CLIC5: variants seen among roughly 807,000 people sequenced by gnomAD.
CLIC5 encodes CLIC family member 5.
In CLIC5, 20 loss-of-function variants were observed where a neutral mutation model predicts 24.7. The ratio of observed to expected loss-of-function variants is 0.81; its 90% CI spans 0.57 to 1.18. CLIC5 has a LOEUF of 1.18. Ranked by LOEUF, CLIC5 falls within the 50% of genes most tolerant of loss-of-function variation. The probability of loss-of-function intolerance (pLI) is 0.00; values close to 1 mark genes in which losing one functional copy is unlikely to be tolerated. For synonymous variants in CLIC5, 159 were observed against 135.6 expected (o/e 1.17, Z -1.20); for missense variants, 341 against 326.1 (o/e 1.05, Z -0.35).
chr6:45,984,120 G>A (rs1423811563), intron 1 of CLIC5, among the ~76,000 whole-genome samples: 1 of 152,128 alleles, frequency 6.6e-6, no homozygotes, highest in African/African-American at 2.4e-5. Context: ...ACATAGTAAA[G>A]GAAAGAGAAA....
Position 45,955,251 on chromosome 6 carries a change from A to G in CLIC5, c.64-7T>C. The G allele has an allele frequency of 6.2e-7, 1 of 1,610,602 alleles. No homozygotes were observed. Among genetic ancestry groups the G allele is most frequent in the Middle Eastern group, 1.7e-4 (1 of 6,036 alleles). On this transcript the variant is annotated splice_polypyrimidine_tract_variant and splice_region_variant and intron_variant, in intron 1 of 5. Coordinates refer to ENST00000339561, the MANE Select transcript of CLIC5 (RefSeq NM_016929.5). ...TTTCTCCATCGATTCCAGCCTGGAA[A>G]GAAGAGAACCAGTGTCCTGAGTGGG...
chr6:45,949,617 G>A (rs1489258561), intron 2 of CLIC5, among the ~76,000 whole-genome samples: 1 of 152,132 alleles, frequency 6.6e-6, no homozygotes, highest in South Asian at 2.1e-4. Context: ...TCAAGATGAA[G>A]GAGTTGAAAA....
intron 4 of CLIC5, among the ~76,000 whole-genome samples, chr6:45,934,002 A>C (rs78602460): frequency 0.021 from 3,187 of 152,306 alleles, 125 homozygotes; most frequent in African/African-American, 0.073. Context: ...GGAGAGCCAA[A>C]GAAAATGGAA....
chr6:46,077,537 G>T (rs1762805576), intron 1 of CLIC5, among the ~76,000 whole-genome samples: 1 of 151,924 alleles, frequency 6.6e-6, no homozygotes, highest in Non-Finnish European at 1.5e-5. Flanking sequence ...AGCAGAGAAG[G>T]CCCTGTTTTA....
intron 2 of CLIC5, among the ~76,000 whole-genome samples, chr6:45,953,571 G>A (rs1198274985): frequency 6.6e-6 from 1 of 152,176 alleles, no homozygotes; most frequent in Non-Finnish European, 1.5e-5. Context: ...GAGTAGACAG[G>A]TCACGGTGAG....
At chr6:45,920,632 G>A (rs1456646136) in intron 4 of CLIC5, 1 of 942,644 alleles carries the variant, frequency 1.1e-6, no homozygotes, top group East Asian at 1.2e-4. Flanking sequence ...ATAATAATAA[G>A]AAGAATATCA....
intron 4 of CLIC5, among the ~76,000 whole-genome samples, chr6:45,935,671 G>A (rs758238720): frequency 4.6e-5 from 7 of 152,126 alleles, no homozygotes; most frequent in African/African-American, 7.2e-5. Flanking sequence ...GCAGGACCAC[G>A]AGCACTCTTC....
At chr6:46,108,401 T>TGTGTGTGTGTGTGTGTGTGA in the CLIC5 span, among the ~76,000 whole-genome samples, 1 of 141,672 alleles carries the variant, frequency 7.1e-6, no homozygotes, top group African/African-American at 2.6e-5. Context: ...TGTGTGTGTG[T>TGTGTGTGTGTGTGTGTGTGA]GAGAGAGAGA....
the CLIC5 span, among the ~76,000 whole-genome samples, chr6:46,094,196 G>A: frequency 3.3e-5 from 5 of 152,166 alleles, no homozygotes; most frequent in Admixed American, 6.5e-5. Flanking sequence ...CAACATTGGG[G>A]ATTACAATTA....
intron 2 of CLIC5, 137 bp downstream of exon 2, chr6:45,954,998 G>T: frequency 1.7e-6 from 1 of 584,178 alleles, no homozygotes; most frequent in Non-Finnish European, 3.0e-6. Context: ...GCTAAGACTG[G>T]ATCCTGAGAC....
chr6:46,049,305 T>C (rs1562024187), intron 1 of CLIC5, among the ~76,000 whole-genome samples: 1 of 152,174 alleles, frequency 6.6e-6, no homozygotes, highest in Admixed American at 6.5e-5. Flanking sequence ...TCCCAGGAAC[T>C]TGTGAAAACA....
At chr6:46,024,862 G>C (rs1350917189) in intron 1 of CLIC5, among the ~76,000 whole-genome samples, 1 of 152,064 alleles carries the variant, frequency 6.6e-6, no homozygotes, top group Non-Finnish European at 1.5e-5. Context: ...TGAATAAAAA[G>C]TATTAAAGTT....
intron 1 of CLIC5, among the ~76,000 whole-genome samples, chr6:46,072,598 G>A (rs1468374444): frequency 1.3e-5 from 2 of 152,044 alleles, no homozygotes; most frequent in African/African-American, 4.8e-5. Flanking sequence ...CCCTAATTTG[G>A]GGATATGTAT....
intron 1 of CLIC5, among the ~76,000 whole-genome samples, chr6:45,976,642 G>C (rs910974016): frequency 6.6e-6 from 1 of 152,194 alleles, no homozygotes. Context: ...ATTCAAAGCA[G>C]TTAAAAATGT....
chr6:45,904,501 AT>A (rs1762595484), intron 5 of CLIC5, among the ~76,000 whole-genome samples: 1 of 151,270 alleles, frequency 6.6e-6, no homozygotes, highest in Non-Finnish European at 1.5e-5. Flanking sequence ...ATTCTTAATA[AT>A]TTTTAAACAG....
At chr6:45,975,961 G>A (rs2127408803) in intron 1 of CLIC5, among the ~76,000 whole-genome samples, 1 of 152,198 alleles carries the variant, frequency 6.6e-6, no homozygotes, top group Admixed American at 6.5e-5. Flanking sequence ...GATCAGTGAT[G>A]GAAAAAAAAC....
chr6:45,944,635 C>T (rs966590584), intron 3 of CLIC5, among the ~76,000 whole-genome samples: 2 of 151,738 alleles, frequency 1.3e-5, no homozygotes, highest in African/African-American at 2.4e-5. Context: ...GGTAAGTGCC[C>T]TATCTGGTTT....
chr6:46,040,691 G>T (rs1767783423), intron 1 of CLIC5, among the ~76,000 whole-genome samples: 1 of 152,094 alleles, frequency 6.6e-6, no homozygotes, highest in Non-Finnish European at 1.5e-5. Context: ...TGTTTCTTGT[G>T]TTGATGAAGG....
chr6:46,048,783 C>A (rs1768024875), intron 1 of CLIC5, among the ~76,000 whole-genome samples: 1 of 152,002 alleles, frequency 6.6e-6, no homozygotes, highest in African/African-American at 2.4e-5. Context: ...CACTTGTCTC[C>A]CGGGGGAAGA....
Sources: allele counts gnomAD v4.1 joint callset (sites outside exome capture counted in the v4.1 genomes callset), GRCh38; gene constraint gnomAD v4.1.1; transcripts MANE v1.5; gene names NCBI Gene and HGNC (gene_info 2026-07-23, HGNC 2026-07-21).